Variants in ANKHD1 observed in about 807,000 individuals in gnomAD.
ANKHD1 encodes the protein ankyrin repeat and KH domain containing 1.
ANKHD1 carries 31 observed loss-of-function variants against 230.5 expected under a neutral mutation model. The ratio of observed to expected loss-of-function variants is 0.13; its 90% CI spans 0.10 to 0.18. The LOEUF is 0.18. Among genes scored for constraint, ANKHD1 ranks in the 10% least tolerant of loss-of-function variants. The pLI is 1.00. For synonymous variants in ANKHD1, 1,074 were observed against 1,117.6 expected, an observed-to-expected ratio of 0.96 and a Z score of 0.78; for missense variants, 2,256 against 3,071.3, an observed-to-expected ratio of 0.73 and a Z score of 6.27.
At chr5:140,441,509 C>G (rs1189179650) in intron 5 of ANKHD1, among the ~76,000 whole-genome samples, 1 of 151,554 alleles carries the variant, frequency 6.6e-6, no homozygotes, top group African/African-American at 2.4e-5. Context: ...TTTTTTTTCC[C>G]CCACAGTCTT....
intron 14 of ANKHD1, among the ~76,000 whole-genome samples, chr5:140,495,092 T>C (rs1482565727): frequency 6.6e-6 from 1 of 152,190 alleles, no homozygotes; most frequent in Non-Finnish European, 1.5e-5. Context: ...CCTGTCTCTA[T>C]AGATTTGCCT....
chr5:140,442,189 A>G (rs1218219049), intron 5 of ANKHD1, among the ~76,000 whole-genome samples: 16 of 151,716 alleles, frequency 1.1e-4, no homozygotes, highest in Non-Finnish European at 2.9e-5. Context: ...ACAGGCGAGT[A>G]CCACCACTCC....
At chr5:140,471,234 T>C (rs1280143421) in intron 10 of ANKHD1, among the ~76,000 whole-genome samples, 1 of 152,206 alleles carries the variant, frequency 6.6e-6, no homozygotes, top group Non-Finnish European at 1.5e-5. Flanking sequence ...TCCAGTCTTT[T>C]GTTTTATCAC....
intron 1 of ANKHD1, among the ~76,000 whole-genome samples, chr5:140,403,041 C>T (rs1269027805): frequency 7.0e-6 from 1 of 143,308 alleles, no homozygotes; most frequent in Non-Finnish European, 1.5e-5. Flanking sequence ...GTGATCTCAG[C>T]TCACTGCAAC....
At chr5:140,457,149 A>G (rs1775259143) in intron 7 of ANKHD1, among the ~76,000 whole-genome samples, 1 of 152,194 alleles carries the variant, frequency 6.6e-6, no homozygotes, top group Non-Finnish European at 1.5e-5. Context: ...CAAAACCACA[A>G]TGAGATACCA....
At chr5:140,533,844 G>T (rs1387721935) in intron 29 of ANKHD1, among the ~76,000 whole-genome samples, 1 of 130,658 alleles carries the variant, frequency 7.7e-6, no homozygotes, top group Non-Finnish European at 1.7e-5. Context: ...AAAAAAGAAA[G>T]AAATGATTCA....
intron 1 of ANKHD1, among the ~76,000 whole-genome samples, chr5:140,418,256 A>T (rs989240536): frequency 5.3e-5 from 8 of 150,080 alleles, no homozygotes; most frequent in Non-Finnish European, 8.9e-5. Context: ...CAGGTGATCC[A>T]CTTCAGCCTC....
intron 20 of ANKHD1, among the ~76,000 whole-genome samples, chr5:140,509,431 G>A (rs1450484767): frequency 2.6e-5 from 4 of 152,124 alleles, no homozygotes; most frequent in East Asian, 1.9e-4. Flanking sequence ...ATTCTAGCAC[G>A]TCTGAATCTA....
chr5:140,527,081 A>G lies in ANKHD1; in HGVS notation c.5087+7A>G. 1 of 1,609,556 alleles carries G rather than the reference A, an allele frequency of 6.2e-7. No individual in the cohort carries two copies. Among genetic ancestry groups the G allele is most frequent in the Non-Finnish European group, 8.5e-7 (1 of 1,178,506 alleles). On this transcript the variant is annotated splice_region_variant and intron_variant, in intron 27 of 33. Coordinates refer to ENST00000360839, the MANE Select transcript of ANKHD1 (RefSeq NM_017747.3). This position sits in a 1 kb window ranked among gnomAD's most constrained non-coding sequence, Gnocchi z 4.5. Reference sequence around the variant, plus strand: ...GGAAAGAAGTTGTACGAAGGTAAATAGAATTAGTTCCATCTTTTTAGCTTT... The same window carrying G: ...GGAAAGAAGTTGTACGAAGGTAAATGGAATTAGTTCCATCTTTTTAGCTTT...
chr5:140,404,451 A>C (rs1270935329), intron 1 of ANKHD1, among the ~76,000 whole-genome samples: 1 of 147,980 alleles, frequency 6.8e-6, no homozygotes, highest in Non-Finnish European at 1.5e-5. Context: ...GTTTTTTTTG[A>C]GACTGTGTCT....
chr5:140,472,382 C>G lies in ANKHD1; in HGVS notation c.1782+7606C>G, dbSNP rs551059071. 94 of 1,566,798 alleles carry G rather than the reference C, an allele frequency of 6.0e-5. 3 individuals carry two copies. In the South Asian group the frequency reaches 9.6e-4, roughly 16 times the overall value. On this transcript the variant is annotated intron_variant, in intron 10 of 33. Coordinates refer to ENST00000360839, the MANE Select transcript of ANKHD1 (RefSeq NM_017747.3). Reference sequence around the variant, plus strand: ...GAACTCTGGATATCTGAATTCCAGCCAAGAAGTTCCAGGACCCTGCTGGGT... The same window carrying G: ...GAACTCTGGATATCTGAATTCCAGCGAAGAAGTTCCAGGACCCTGCTGGGT...
intron 22 of ANKHD1, among the ~76,000 whole-genome samples, chr5:140,512,255 G>T (rs1247372696): frequency 6.7e-6 from 1 of 148,956 alleles, no homozygotes; most frequent in Non-Finnish European, 1.5e-5. Context: ...AAAAAAAAAA[G>T]ATATGCTTAG....
chr5:140,493,846 GCCATT>G (rs1277369328), intron 14 of ANKHD1, among the ~76,000 whole-genome samples: 7 of 152,130 alleles, frequency 4.6e-5, no homozygotes, highest in Non-Finnish European at 8.8e-5. Context: ...GATAGACAGG[GCCATT>G]CCTATCTGTT....
chr5:140,460,181 C>A (rs1775601149), intron 9 of ANKHD1, among the ~76,000 whole-genome samples: 7 of 151,832 alleles, frequency 4.6e-5, no homozygotes, highest in Admixed American at 4.6e-4. Flanking sequence ...TTACAGAGTA[C>A]TAATTTTAAA....
At position 140,525,982 on chromosome 5, in the gene ANKHD1, T is replaced by G; in HGVS notation, c.4493-14T>G. ...GTGACTCAGTATGATTTTTATTCTT[T>G]TTAACAATTTCAGTGGAGCAAGAAG... is the stretch of plus-strand genomic sequence containing the variant. On this transcript the variant is annotated splice_polypyrimidine_tract_variant and intron_variant, in intron 25 of 33. Transcript: ENST00000360839. 6.4e-7 allele frequency: 1 copy of G among 1,551,348 alleles called. No individual in the cohort carries two copies. Among genetic ancestry groups the G allele is most frequent in the Non-Finnish European group, 8.7e-7 (1 of 1,155,814 alleles).
chr5:140,461,279 G>A (rs1775684431), intron 9 of ANKHD1, among the ~76,000 whole-genome samples: 1 of 152,090 alleles, frequency 6.6e-6, no homozygotes, highest in Non-Finnish European at 1.5e-5. Context: ...CTTAGAACTC[G>A]ACATTGTTTT....
chr5:140,404,999 GTGTGT>G (rs1770309987), intron 1 of ANKHD1, among the ~76,000 whole-genome samples: 1 of 149,862 alleles, frequency 6.7e-6, no homozygotes, highest in Non-Finnish European at 1.5e-5. Context: ...GTGTGTGTGT[GTGTGT>G]GTGTGTGTGT....
intron 1 of ANKHD1, among the ~76,000 whole-genome samples, chr5:140,423,343 A>G (rs143308430): frequency 6.6e-6 from 1 of 152,336 alleles, no homozygotes; most frequent in Non-Finnish European, 1.5e-5. Context: ...ACCAAATTCA[A>G]TGTGTGGATC....
intron 15 of ANKHD1, among the ~76,000 whole-genome samples, chr5:140,499,037 G>A (rs1349082543): frequency 1.3e-5 from 2 of 151,848 alleles, no homozygotes; most frequent in Non-Finnish European, 2.9e-5. Context: ...ATTTGTGTTA[G>A]ACATTAATAC....
Sources: gnomAD v4.1 joint callset for allele counts (sites outside exome capture counted in the v4.1 genomes callset) on GRCh38, gnomAD v4.1.1 for gene constraint, Gnocchi (gnomAD v3.1) non-coding constraint, MANE v1.5 for transcripts, NCBI Gene and HGNC (gene_info 2026-07-23, HGNC 2026-07-21) for gene names.